TMEM181: variants seen among roughly 807,000 people sequenced by gnomAD.
The protein encoded by TMEM181 is G protein-coupled receptor 178.
In TMEM181, 39 loss-of-function variants were observed where a neutral mutation model predicts 71.9. The observed-to-expected ratio is 0.54, with a 90% confidence interval of 0.42 to 0.71. The LOEUF (loss-of-function observed/expected upper bound fraction) is 0.71, where lower values mean the gene tolerates loss of function less well. Among genes scored for constraint, TMEM181 ranks in the 30% least tolerant of loss-of-function variants. TMEM181 has a pLI of 0.00. For missense variants in TMEM181, 595 were observed against 583.0 expected, an observed-to-expected ratio of 1.02 and a Z score of -0.21; for synonymous variants, 245 against 228.8, an observed-to-expected ratio of 1.07 and a Z score of -0.64.
At chr6:158,616,519 A>G (rs1475314356) in intron 10 of TMEM181, among the ~76,000 whole-genome samples, 3 of 152,134 alleles carry the variant, frequency 2.0e-5, no homozygotes, top group Admixed American at 6.5e-5. Context: ...TTCCAATACT[A>G]TGTTGAATAG....
intron 1 of TMEM181, among the ~76,000 whole-genome samples, chr6:158,553,247 T>A (rs751606580): frequency 2.0e-5 from 3 of 152,178 alleles, no homozygotes; most frequent in Non-Finnish European, 4.4e-5. Flanking sequence ...GTTGTTTAAT[T>A]TAACATACCA....
At chr6:158,619,586 G>A (rs1394484988) in intron 10 of TMEM181, among the ~76,000 whole-genome samples, 1 of 152,110 alleles carries the variant, frequency 6.6e-6, no homozygotes, top group African/African-American at 2.4e-5. Context: ...AGAGAAGGAT[G>A]TTGGCCAGGC....
At position 158,635,024 on chromosome 6, in the gene TMEM181, T is replaced by G. The variant is rs942899241; in HGVS notation, c.*3136T>G. The G allele has an allele frequency of 1.3e-5, 2 of 150,954 alleles. No homozygotes were observed. The highest frequency in any genetic ancestry group is 3.0e-5 in the Non-Finnish European group (2 of 67,768). 9.4% of individuals were successfully genotyped at this position (150,954 alleles called of 1,614,324 possible). On this transcript the variant is annotated 3_prime_UTR_variant, in exon 17 of 17. Coordinates refer to ENST00000684151, the MANE Select transcript of TMEM181 (RefSeq NM_001376852.1). ...CCGGTTGCCTTAGAGGTTAGACTTT[T>G]GAAGAAAAAAAAAAAAAGATACAGA...
At chr6:158,611,378 C>G (rs988451956) in intron 10 of TMEM181, 3 of 532,996 alleles carry the variant, frequency 5.6e-6, no homozygotes, top group Non-Finnish European at 1.1e-5. Context: ...ATTGATTTCC[C>G]TGGATGCCCT....
intron 13 of TMEM181, among the ~76,000 whole-genome samples, chr6:158,627,513 G>C (rs976543354): frequency 1.3e-5 from 2 of 152,228 alleles, no homozygotes; most frequent in East Asian, 3.9e-4. Flanking sequence ...TAGATGAGTG[G>C]TTTGGGGATG....
chr6:158,618,583 A>G (rs993414937), intron 10 of TMEM181, among the ~76,000 whole-genome samples: 3 of 152,178 alleles, frequency 2.0e-5, no homozygotes, highest in Admixed American at 2.0e-4. Flanking sequence ...GTTTCTTCCT[A>G]GCATTGATGG....
At chr6:158,541,896 A>G (rs1036202039) in intron 1 of TMEM181, among the ~76,000 whole-genome samples, 5 of 91,256 alleles carry the variant, frequency 5.5e-5, no homozygotes, top group African/African-American at 2.1e-4. Flanking sequence ...CTGGGATTTT[A>G]TCTTTTTTTT....
chr6:158,545,550 TGGCGGGTG>T (rs1294846031), intron 1 of TMEM181, among the ~76,000 whole-genome samples: 1 of 152,202 alleles, frequency 6.6e-6, no homozygotes, highest in Non-Finnish European at 1.5e-5. Flanking sequence ...CAGGGGCACG[TGGCGGGTG>T]GGCGTTGTCC....
intron 1 of TMEM181, 128 bp downstream of exon 1, chr6:158,560,360 A>T: frequency 1.0e-6 from 1 of 966,230 alleles, no homozygotes; most frequent in Non-Finnish European, 1.2e-6. Context: ...GGGCAGGGAA[A>T]AGGGCGCTGA....
chr6:158,590,054 T>G (rs1396819368), intron 6 of TMEM181, among the ~76,000 whole-genome samples: 1 of 152,174 alleles, frequency 6.6e-6, no homozygotes, highest in South Asian at 2.1e-4. Context: ...GTGAAGGGGT[T>G]AGCAGACACA....
At chr6:158,537,504 G>C (rs930585807) in intron 1 of TMEM181, among the ~76,000 whole-genome samples, 1 of 152,142 alleles carries the variant, frequency 6.6e-6, no homozygotes, top group Non-Finnish European at 1.5e-5. Context: ...GAGAGCGGTG[G>C]GGACTGCAGA....
chr6:158,537,388 C>T (rs960393001), intron 1 of TMEM181, among the ~76,000 whole-genome samples: 7 of 152,146 alleles, frequency 4.6e-5, no homozygotes, highest in Non-Finnish European at 8.8e-5. Flanking sequence ...CGGATGGGCG[C>T]GGCGGGGAAG....
intron 5 of TMEM181, among the ~76,000 whole-genome samples, chr6:158,587,398 C>T (rs535013681): frequency 7.2e-4 from 109 of 152,292 alleles, no homozygotes; most frequent in Non-Finnish European, 1.2e-3. Context: ...TGCTTCTGTT[C>T]CTTGTCTACG....
At chr6:158,591,161 G>GT (rs1003877133) in intron 6 of TMEM181, among the ~76,000 whole-genome samples, 8 of 152,168 alleles carry the variant, frequency 5.3e-5, no homozygotes, top group Admixed American at 1.3e-4. Context: ...CACAAAATGA[G>GT]TTTTTTTCTC....
intron 6 of TMEM181, 147 bp downstream of exon 6, chr6:158,589,929 TAC>T: frequency 1.6e-6 from 1 of 631,706 alleles, no homozygotes; most frequent in Non-Finnish European, 2.7e-6. Context: ...ATAGGAAAAC[TAC>T]AGTTTCTTAA....
chr6:158,611,071 T>G (rs1482258293), intron 10 of TMEM181: 1 of 469,498 alleles, frequency 2.1e-6, no homozygotes, highest in Non-Finnish European at 4.2e-6. Context: ...ACTCGAGGGG[T>G]GGAGAGCATT....
At chr6:158,618,250 T>G (rs566034483) in intron 10 of TMEM181, among the ~76,000 whole-genome samples, 1 of 152,218 alleles carries the variant, frequency 6.6e-6, no homozygotes. Flanking sequence ...CTTTGTCTCT[T>G]TTGATCTTTG....
upstream of TMEM181, chr6:158,559,958 C>T (rs1474357454): frequency 1.4e-6 from 1 of 721,274 alleles, no homozygotes; most frequent in Non-Finnish European, 1.7e-6. Context: ...CCGTGGGGCT[C>T]CGCCCCGGCA....
intron 10 of TMEM181, among the ~76,000 whole-genome samples, chr6:158,619,855 G>A (rs1196414235): frequency 1.2e-4 from 16 of 133,816 alleles, no homozygotes; most frequent in South Asian, 5.0e-4. Context: ...GCGACACAGC[G>A]AGACTCCGTC....
Sources: gnomAD v4.1 joint callset for allele counts (sites outside exome capture counted in the v4.1 genomes callset) on GRCh38, gnomAD v4.1.1 for gene constraint, MANE v1.5 for transcripts, NCBI Gene and HGNC (gene_info 2026-07-23, HGNC 2026-07-21) for gene names.